Variants in MAML3 observed in about 807,000 individuals in gnomAD.
MAML3 encodes mastermind like transcriptional coactivator 3.
A neutral mutation model predicts 101.9 loss-of-function variants in MAML3; 27 were observed. That is an observed-to-expected ratio of 0.27 (90% CI 0.20 to 0.37). The LOEUF (loss-of-function observed/expected upper bound fraction) is 0.37. Among genes scored for constraint, MAML3 ranks in the 10% least tolerant of loss-of-function variants. The pLI, the probability that MAML3 is intolerant of heterozygous loss-of-function variation, is 1.00. For missense variants in MAML3, 1,316 were observed against 1,444.9 expected (o/e 0.91, Z 1.45); for synonymous variants, 501 against 555.9 (o/e 0.90, Z 1.39).
At chr4:139,979,061 T>C (rs746096350) in intron 1 of MAML3, among the ~76,000 whole-genome samples, 5 of 152,180 alleles carry the variant, frequency 3.3e-5, no homozygotes, top group African/African-American at 4.8e-5. Flanking sequence ...CCACTACTTA[T>C]GAAGCATTTT....
intron 1 of MAML3, among the ~76,000 whole-genome samples, chr4:140,043,981 G>A (rs1173174519): frequency 6.6e-6 from 1 of 152,198 alleles, no homozygotes; most frequent in African/African-American, 2.4e-5. Flanking sequence ...AGTTCTAACT[G>A]TGCTCCTGAT....
rs186434823 is a variant in MAML3 at position 140,144,598 on chromosome 4, C to T, written c.468+8262G>A. Reference sequence around the variant, plus strand: ...AGGAATCCTACAGTAAATCCATTCACATGGCAGTAGTAATAATTTAAGAGA... The same window carrying T: ...AGGAATCCTACAGTAAATCCATTCATATGGCAGTAGTAATAATTTAAGAGA... On this transcript the variant is annotated intron_variant, in intron 1 of 4. Transcript: ENST00000509479. 5.4e-5 allele frequency among the ~76,000 whole-genome samples: 8 copies of T among 149,394 alleles called. No homozygotes were observed. The East Asian group carries it at 1.6e-3, about 29-fold the overall frequency.
intron 1 of MAML3, among the ~76,000 whole-genome samples, chr4:140,109,704 A>G (rs1728409063): frequency 6.6e-6 from 1 of 152,184 alleles, no homozygotes; most frequent in Non-Finnish European, 1.5e-5. Flanking sequence ...TCCTATAAAC[A>G]CTGCTGGCAA....
At chr4:139,792,299 A>T (rs1578603408) in intron 2 of MAML3, among the ~76,000 whole-genome samples, 1 of 152,228 alleles carries the variant, frequency 6.6e-6, no homozygotes, top group East Asian at 1.9e-4. Context: ...CAATGAGCAA[A>T]CGATATCCTT....
At chr4:139,822,821 C>A (rs2111124247) in intron 2 of MAML3, among the ~76,000 whole-genome samples, 1 of 152,314 alleles carries the variant, frequency 6.6e-6, no homozygotes. Flanking sequence ...ATTCTGTTTT[C>A]TTTTTCCACC....
Position 139,719,545 on chromosome 4 carries a change from T to A in MAML3, c.3195A>T (p.Pro1065=), listed in dbSNP as rs1369066911. The A allele has an allele frequency of 1.9e-6, 3 of 1,613,752 alleles. No individual in the cohort carries two copies. The highest frequency in any genetic ancestry group is 2.5e-6 in the Non-Finnish European group (3 of 1,179,840). Residue 1065 remains proline, a synonymous_variant, in exon 5 of 5, where the codon CCA becomes CCT. Coordinates refer to ENST00000509479, the MANE Select transcript of MAML3 (RefSeq NM_018717.5). ...TGCCACTGGGTATCTGCTGCTGTGC[T>A]GGGGGCTGGCTGAACGCTGGCATGC... ...VPGMPAFSQP[P]AQQQIPSGSF... is the part of the protein sequence containing the mutation.
intron 2 of MAML3, among the ~76,000 whole-genome samples, chr4:139,834,811 G>A (rs1731230568): frequency 6.6e-6 from 1 of 152,140 alleles, no homozygotes; most frequent in Non-Finnish European, 1.5e-5. Context: ...TCATAAAATT[G>A]ATCAAAGGGT....
intron 2 of MAML3, among the ~76,000 whole-genome samples, chr4:139,873,745 A>G (rs1732057330): frequency 6.6e-6 from 1 of 152,170 alleles, no homozygotes; most frequent in South Asian, 2.1e-4. Flanking sequence ...TATGAAGTAG[A>G]GTCTCCAGCC....
At chr4:140,125,995 C>T (rs1728677124) in intron 1 of MAML3, among the ~76,000 whole-genome samples, 1 of 152,052 alleles carries the variant, frequency 6.6e-6, no homozygotes. Flanking sequence ...TCAGGCTGGT[C>T]TCGAACTCCT....
intron 1 of MAML3, among the ~76,000 whole-genome samples, chr4:140,035,523 C>T (rs1470032414): frequency 6.6e-6 from 1 of 152,144 alleles, no homozygotes; most frequent in African/African-American, 2.4e-5. Context: ...CATTGCTGGG[C>T]ACAGTGGCTC....
At chr4:140,092,066 ATATATATACG>A (rs1255310023) in intron 1 of MAML3, among the ~76,000 whole-genome samples, 1 of 72,814 alleles carries the variant, frequency 1.4e-5, no homozygotes, top group African/African-American at 3.5e-5. Flanking sequence ...AAAACTTTAT[ATATATATACG>A]TATATATATA....
At chr4:139,929,539 A>ATCAC (rs1733336279) in intron 1 of MAML3, among the ~76,000 whole-genome samples, 1 of 152,238 alleles carries the variant, frequency 6.6e-6, no homozygotes, top group African/African-American at 2.4e-5. Flanking sequence ...TTAATGTTGT[A>ATCAC]TCACTATTCA....
intron 1 of MAML3, among the ~76,000 whole-genome samples, chr4:140,034,068 T>G (rs916573526): frequency 6.6e-6 from 1 of 152,188 alleles, no homozygotes; most frequent in African/African-American, 2.4e-5. Context: ...AACAACAGCT[T>G]TGTATAGCAA....
chr4:139,805,297 C>T (rs914605725), intron 2 of MAML3, among the ~76,000 whole-genome samples: 89 of 152,288 alleles, frequency 5.8e-4, no homozygotes, highest in African/African-American at 2.1e-3. Flanking sequence ...GATGGTGACA[C>T]AGAAATAGAA....
chr4:139,812,254 A>G (rs1174998214), intron 2 of MAML3, among the ~76,000 whole-genome samples: 1 of 152,234 alleles, frequency 6.6e-6, no homozygotes, highest in Non-Finnish European at 1.5e-5. Flanking sequence ...CTCAAAAAAA[A>G]GAAAATCTTA....
At chr4:140,003,526 C>T (rs879468982) in intron 1 of MAML3, among the ~76,000 whole-genome samples, 2 of 152,130 alleles carry the variant, frequency 1.3e-5, no homozygotes, top group Non-Finnish European at 2.9e-5. Context: ...TGATTCAACT[C>T]GAATAGCTGA....
At chr4:140,081,672 T>C (rs976684616) in intron 1 of MAML3, among the ~76,000 whole-genome samples, 4 of 152,278 alleles carry the variant, frequency 2.6e-5, no homozygotes, top group African/African-American at 9.6e-5. Flanking sequence ...TTTTATCTAA[T>C]GGCTTTAATA....
intron 1 of MAML3, among the ~76,000 whole-genome samples, chr4:140,084,255 A>G (rs1192993801): frequency 6.6e-6 from 1 of 152,200 alleles, no homozygotes; most frequent in Non-Finnish European, 1.5e-5. Flanking sequence ...TCAGGGATTT[A>G]CCCTTTAGTG....
At chr4:139,869,887 G>A (rs112775357) in intron 2 of MAML3, among the ~76,000 whole-genome samples, 3 of 152,212 alleles carry the variant, frequency 2.0e-5, no homozygotes, top group African/African-American at 7.2e-5. Flanking sequence ...GCTTTCTTGT[G>A]CCCATTTCAT....
Sources: gnomAD v4.1 joint callset for allele counts (sites outside exome capture counted in the v4.1 genomes callset) on GRCh38, gnomAD v4.1.1 for gene constraint, MANE v1.5 for transcripts, NCBI Gene and HGNC (gene_info 2026-07-23, HGNC 2026-07-21) for gene names.